Variants in ARMC9 observed in about 807,000 individuals in gnomAD.
The protein encoded by ARMC9 is lisH domain-containing protein ARMC9.
Under a neutral mutation model 107.0 loss-of-function variants are expected in ARMC9, and 94 were observed. The ratio of observed to expected loss-of-function variants is 0.88; its 90% CI spans 0.74 to 1.04. The LOEUF (loss-of-function observed/expected upper bound fraction) is 1.04. Ranked by LOEUF, ARMC9 falls within the 50% of genes least tolerant of loss-of-function variation. The pLI, the probability that ARMC9 is intolerant of heterozygous loss-of-function variation, is 0.00. For synonymous variants in ARMC9, 380 were observed against 396.9 expected (o/e 0.96, Z 0.51); for missense variants, 942 against 1,030.1 (o/e 0.91, Z 1.17).
In ARMC9 at chr2:231,327,206, G is replaced by A. The variant is rs571476682; in HGVS notation, c.1774-4587G>A. On this transcript the variant is annotated intron_variant, in intron 19 of 24. Transcript: ENST00000611582. ...CATGATTGTGTGTGCCGTTCGGTCGGCGTTCGAGTATACAGAGCCTTGTGA... is the reference window on the plus strand; with the variant it reads ...CATGATTGTGTGTGCCGTTCGGTCGACGTTCGAGTATACAGAGCCTTGTGA... Among the ~76,000 whole-genome samples, 13 of 152,326 alleles carry A rather than the reference G, an allele frequency of 8.5e-5. No homozygotes were observed. In the East Asian group the frequency reaches 2.5e-3, roughly 29 times the overall value.
At chr2:231,290,922 C>G (rs1403266468) in intron 17 of ARMC9, among the ~76,000 whole-genome samples, 1 of 141,040 alleles carries the variant, frequency 7.1e-6, no homozygotes, top group Non-Finnish European at 1.5e-5. Context: ...AAACTTAAGG[C>G]AATATTGTGC....
At chr2:231,290,951 T>A (rs1357955716) in intron 17 of ARMC9, among the ~76,000 whole-genome samples, 2 of 272 alleles carry the variant, frequency 7.4e-3, no homozygotes, top group Admixed American at 0.071. Context: ...TTTACAATAG[T>A]TTTTTTTTTT....
intron 19 of ARMC9, among the ~76,000 whole-genome samples, chr2:231,298,352 G>A (rs192282931): frequency 6.6e-5 from 10 of 152,306 alleles, no homozygotes; most frequent in Middle Eastern, 3.4e-3. Context: ...AGCTTTCACC[G>A]GAGGCTAGCA....
chr2:231,350,528 A>G (rs1272024206), intron 21 of ARMC9, among the ~76,000 whole-genome samples: 1 of 151,096 alleles, frequency 6.6e-6, no homozygotes, highest in African/African-American at 2.4e-5. Flanking sequence ...AGGTTGAGGC[A>G]GGAGCATTGC....
At chr2:231,282,979 T>C (rs896732541) in intron 17 of ARMC9, among the ~76,000 whole-genome samples, 2 of 151,908 alleles carry the variant, frequency 1.3e-5, no homozygotes, top group Non-Finnish European at 2.9e-5. Context: ...AAAAAACATG[T>C]AGGCTGAAGA....
intron 3 of ARMC9, among the ~76,000 whole-genome samples, chr2:231,213,457 C>T (rs1444920847): frequency 3.3e-5 from 5 of 151,016 alleles, no homozygotes; most frequent in Admixed American, 1.3e-4. Flanking sequence ...CTACCACGCC[C>T]GGCCATGTAA....
intron 3 of ARMC9, among the ~76,000 whole-genome samples, chr2:231,213,280 C>T (rs1375358428): frequency 6.6e-6 from 1 of 151,532 alleles, no homozygotes; most frequent in African/African-American, 2.4e-5. Flanking sequence ...CCTCCCACCT[C>T]AGCCTCCCGG....
chr2:231,268,506 T>C (rs1456965768), intron 12 of ARMC9, among the ~76,000 whole-genome samples: 2 of 152,292 alleles, frequency 1.3e-5, no homozygotes, highest in East Asian at 3.9e-4. Flanking sequence ...ATTGATTCCT[T>C]TCACCTCTCT....
intron 13 of ARMC9, among the ~76,000 whole-genome samples, chr2:231,271,366 A>G (rs1574890568): frequency 6.6e-6 from 1 of 152,220 alleles, no homozygotes; most frequent in Admixed American, 6.5e-5. Context: ...AGTATATCAC[A>G]GGTAATGAAT....
chr2:231,225,334 C>T (rs1316091189), intron 6 of ARMC9, among the ~76,000 whole-genome samples: 1 of 152,116 alleles, frequency 6.6e-6, no homozygotes, highest in African/African-American at 2.4e-5. Context: ...AGGCTGTACA[C>T]CCAAGAGCTA....
rs190647910 is a variant in ARMC9, at chr2:231,233,120, G to A, written c.623-2104G>A. ...CCCGCCTTAGCCTCCCAAAGTGCTG[G>A]GATTACAGGCGTGAGCCACCGCACC... On this transcript the variant is annotated intron_variant, in intron 7 of 24. Transcript: ENST00000611582. Among the ~76,000 whole-genome samples the A allele has an allele frequency of 9.5e-3, 1,442 of 152,308 alleles. 9 individuals carry two copies. Among genetic ancestry groups the A allele is most frequent in the Non-Finnish European group, 0.015 (992 of 68,026 alleles).
At chr2:231,320,625 T>C in intron 19 of ARMC9, among the ~76,000 whole-genome samples, 1 of 151,922 alleles carries the variant, frequency 6.6e-6, no homozygotes, top group East Asian at 1.9e-4. Context: ...CTCGCTGGTC[T>C]TTCTTCTGGA....
chr2:231,352,711 TA>T (rs2045151775), intron 21 of ARMC9, among the ~76,000 whole-genome samples: 1 of 151,170 alleles, frequency 6.6e-6, no homozygotes, highest in Admixed American at 6.7e-5. Flanking sequence ...AGATAGATGA[TA>T]GGTAGGTAGA....
At chr2:231,326,392 G>T (rs2043319369) in intron 19 of ARMC9, among the ~76,000 whole-genome samples, 1 of 152,220 alleles carries the variant, frequency 6.6e-6, no homozygotes, top group Non-Finnish European at 1.5e-5. Flanking sequence ...GCCCCCAAAT[G>T]CAAGCTAGCA....
At chr2:231,258,244 C>T (rs777387853) in intron 10 of ARMC9, among the ~76,000 whole-genome samples, 30 of 151,944 alleles carry the variant, frequency 2.0e-4, no homozygotes, top group African/African-American at 6.5e-4. Flanking sequence ...CGGAGTGGTG[C>T]GATCTCGGCT....
chr2:231,276,047 A>G (rs1386165943), intron 14 of ARMC9, among the ~76,000 whole-genome samples: 1 of 152,258 alleles, frequency 6.6e-6, no homozygotes, highest in South Asian at 2.1e-4. Context: ...ATAAATATTT[A>G]TTAGATATTT....
intron 9 of ARMC9, among the ~76,000 whole-genome samples, chr2:231,242,350 G>A (rs2036379662): frequency 1.3e-5 from 2 of 152,162 alleles, no homozygotes; most frequent in South Asian, 4.2e-4. Context: ...GCTGTCAGCT[G>A]TTCCACACAC....
intron 19 of ARMC9, among the ~76,000 whole-genome samples, chr2:231,307,055 G>C (rs2042072956): frequency 1.3e-5 from 2 of 152,238 alleles, no homozygotes; most frequent in Admixed American, 1.3e-4. Flanking sequence ...AGGTGCCCCT[G>C]GTTTTCCTTT....
intron 19 of ARMC9, among the ~76,000 whole-genome samples, chr2:231,311,474 CTG>C (rs1361706415): frequency 6.6e-6 from 1 of 152,138 alleles, no homozygotes; most frequent in Non-Finnish European, 1.5e-5. Flanking sequence ...GTATAGAACA[CTG>C]TGCAGGGGTT....
Sources: allele counts gnomAD v4.1 joint callset (sites outside exome capture counted in the v4.1 genomes callset), GRCh38; gene constraint gnomAD v4.1.1; transcripts MANE v1.5; gene names NCBI Gene and HGNC (gene_info 2026-07-23, HGNC 2026-07-21).